TG: variants seen among roughly 807,000 people sequenced by gnomAD.
TG encodes thyroid hormones.
In TG, 270 loss-of-function variants were observed where a neutral mutation model predicts 324.7. The ratio of observed to expected loss-of-function variants is 0.83; its 90% CI spans 0.75 to 0.92. The LOEUF (loss-of-function observed/expected upper bound fraction) is 0.92. TG is among the 40% of genes least tolerant of loss of function. TG has a pLI of 0.00. For synonymous variants in TG, 1,401 were observed against 1,327.0 expected (o/e 1.06, Z -1.21); for missense variants, 3,591 against 3,456.4 (o/e 1.04, Z -0.98).
intron 30 of TG, 28 bp downstream of exon 30, chr8:132,966,725 T>C (rs746678250): frequency 3.1e-6 from 5 of 1,613,370 alleles, no homozygotes; most frequent in South Asian, 1.1e-5. Flanking sequence ...TCATTCTTCT[T>C]CTTCCAGACA....
chr8:132,942,478 C>G (rs749217843), intron 26 of TG, among the ~76,000 whole-genome samples: 1 of 152,168 alleles, frequency 6.6e-6, no homozygotes, highest in African/African-American at 2.4e-5. Flanking sequence ...TTGAAATAGT[C>G]TGATATATCT....
chr8:133,008,515 A>C (rs1053092745), intron 35 of TG, among the ~76,000 whole-genome samples: 8 of 152,214 alleles, frequency 5.3e-5, no homozygotes, highest in Non-Finnish European at 1.0e-4. Context: ...TGAAAAAAAA[A>C]CAAAATAAAA....
At chr8:133,119,514 A>G (rs1422094315) in intron 45 of TG, among the ~76,000 whole-genome samples, 1 of 152,218 alleles carries the variant, frequency 6.6e-6, no homozygotes, top group Non-Finnish European at 1.5e-5. Flanking sequence ...TGACTGCTTC[A>G]CAGGTGGCAC....
intron 45 of TG, among the ~76,000 whole-genome samples, chr8:133,117,998 C>A (rs1221720349): frequency 1.3e-5 from 2 of 152,174 alleles, no homozygotes; most frequent in Admixed American, 1.3e-4. Flanking sequence ...GTTGTCCAAC[C>A]CATAACAGGG....
chr8:132,913,893 TGGCAG>T (rs1819902011), intron 20 of TG, among the ~76,000 whole-genome samples: 1 of 152,240 alleles, frequency 6.6e-6, no homozygotes, highest in Non-Finnish European at 1.5e-5. Flanking sequence ...ACTGAGCTGT[TGGCAG>T]GGCCTGCAGT....
intron 11 of TG, 135 bp downstream of exon 11, chr8:132,894,064 G>A: frequency 7.1e-7 from 1 of 1,400,916 alleles, no homozygotes; most frequent in South Asian, 1.2e-5. Context: ...GAAGGAAAAG[G>A]CAAAGTGGTT....
chr8:133,075,096 A>G, intron 41 of TG: 1 of 985,480 alleles, frequency 1.0e-6, no homozygotes, highest in Non-Finnish European at 1.2e-6. Context: ...TCCTGTTTTC[A>G]GTAACCACTC....
At chr8:132,891,981 T>C (rs1816298786) in intron 10 of TG, among the ~76,000 whole-genome samples, 1 of 152,192 alleles carries the variant, frequency 6.6e-6, no homozygotes, top group South Asian at 2.1e-4. Flanking sequence ...GCCAAGCACT[T>C]CAACTGCAAC....
chr8:133,056,316 A>C (rs1159728293), intron 41 of TG, among the ~76,000 whole-genome samples: 1 of 152,258 alleles, frequency 6.6e-6, no homozygotes, highest in South Asian at 2.1e-4. Context: ...CTCATGTACC[A>C]GCAGCGAGGT....
chr8:132,915,919 A>G (rs1430787190), intron 20 of TG, among the ~76,000 whole-genome samples: 1 of 152,248 alleles, frequency 6.6e-6, no homozygotes, highest in African/African-American at 2.4e-5. Context: ...TGGAAGTCTC[A>G]AAAGCAGTAC....
chr8:132,993,834 C>G (rs1483614609), intron 35 of TG, among the ~76,000 whole-genome samples: 1 of 152,184 alleles, frequency 6.6e-6, no homozygotes, highest in Non-Finnish European at 1.5e-5. Context: ...GAGCCAAGAG[C>G]AAAATATGTC....
rs114718940 is a variant in TG at position 132,887,459 on chromosome 8, T to C, written c.2087T>C (p.Val696Ala). 2.5e-6 allele frequency: 4 copies of C among 1,614,142 alleles called. No individual in the cohort carries two copies. The East Asian group carries it at 8.9e-5, about 36-fold the overall frequency. ...ACTAGTGAGGGACATTTCCTGCCTG[T>C]CCAGTGCTTCAACTCAGAGTGCTAC... ...ACTSEGHFLP[V>A]QCFNSECYCV... Residue 696 changes from valine (V) to alanine (A), a missense_variant, in exon 9 of 48, where the codon GTC becomes GCC. Physicochemically the swap from Val to Ala is moderately conservative, Grantham distance 64. Coordinates refer to ENST00000220616, the MANE Select transcript of TG (RefSeq NM_003235.5).
intron 41 of TG, among the ~76,000 whole-genome samples, chr8:133,045,958 C>G (rs1839303682): frequency 6.6e-6 from 1 of 152,194 alleles, no homozygotes; most frequent in Non-Finnish European, 1.5e-5. Context: ...CTGACTTATG[C>G]TTAGTCTTCT....
At chr8:132,951,716 A>G (rs1391223928) in intron 27 of TG, among the ~76,000 whole-genome samples, 3 of 152,238 alleles carry the variant, frequency 2.0e-5, no homozygotes, top group African/African-American at 7.2e-5. Context: ...AGGTTGCCCT[A>G]TACAAAGGCT....
Position 132,948,867 on chromosome 8 carries a change from T to C in TG, c.5325T>C (p.Ala1775=). ...WMDPSEAWAN[A]TCPGVTYDQE... ...ATCCCTCTGAAGCCTGGGCTAATGC[T>C]ACATGTCCTGGTGTGACATATGACC... Residue 1775 remains alanine, a synonymous_variant, in exon 27 of 48, where the codon GCT becomes GCC. Transcript: ENST00000220616. The C allele has an allele frequency of 6.2e-7, 1 of 1,614,144 alleles. No individual in the cohort carries two copies. The highest frequency in any genetic ancestry group is 8.5e-7 in the Non-Finnish European group (1 of 1,180,030).
At chr8:133,071,252 T>C (rs538653621) in intron 41 of TG, among the ~76,000 whole-genome samples, 2 of 152,350 alleles carry the variant, frequency 1.3e-5, no homozygotes, top group South Asian at 4.1e-4. Flanking sequence ...ATCATTACGC[T>C]GAGGCCTTTT....
intron 41 of TG, among the ~76,000 whole-genome samples, chr8:133,078,125 G>A (rs11996654): frequency 0.046 from 6,989 of 152,230 alleles, 514 homozygotes; most frequent in African/African-American, 0.16. Flanking sequence ...GTGTAGCAAG[G>A]CTCCTTTGGG....
At position 132,886,456 on chromosome 8, in the gene TG, C is replaced by T; in HGVS notation, c.1084C>T (p.Gln362Ter). The T allele has an allele frequency of 6.2e-7, 1 of 1,614,190 alleles. No individual in the cohort carries two copies. Among genetic ancestry groups the T allele is most frequent in the Non-Finnish European group, 8.5e-7 (1 of 1,180,032 alleles). ...QGEPPSCAEG[Q>*]SCASERQQAL... Reference sequence around the variant, plus strand: ...CACTTTGTCTCATGCAGCTGAAGGCCAATCTTGTGCCTCCGAAAGGCAGCA... The same window carrying T: ...CACTTTGTCTCATGCAGCTGAAGGCTAATCTTGTGCCTCCGAAAGGCAGCA... Residue 362 changes from glutamine (Q) to a stop codon, truncating the protein, a stop_gained, in exon 9 of 48, where the codon CAA (glutamine) becomes TAA (stop). Coordinates refer to ENST00000220616, the MANE Select transcript of TG (RefSeq NM_003235.5). LOFTEE classifies it high-confidence loss of function.
chr8:133,041,318 A>G (rs947605502), intron 41 of TG, among the ~76,000 whole-genome samples: 41 of 152,168 alleles, frequency 2.7e-4, no homozygotes, highest in African/African-American at 9.9e-4. Context: ...CAAAGAACAA[A>G]AGGAATTTGT....
Sources: gnomAD v4.1 joint callset for allele counts (sites outside exome capture counted in the v4.1 genomes callset) on GRCh38, gnomAD v4.1.1 for gene constraint, MANE v1.5 for transcripts, NCBI Gene and HGNC (gene_info 2026-07-23, HGNC 2026-07-21) for gene names.